HMCN2: variants seen among roughly 807,000 people sequenced by gnomAD.
HMCN2 encodes the protein hemicentin-2.
A neutral mutation model predicts 377.5 loss-of-function variants in HMCN2; 325 were observed. The ratio of observed to expected loss-of-function variants is 0.86; its 90% CI spans 0.79 to 0.94. The LOEUF (loss-of-function observed/expected upper bound fraction) is 0.94. Among genes scored for constraint, HMCN2 ranks in the 40% least tolerant of loss-of-function variants. The pLI is 0.00. For missense variants in HMCN2, 4,543 were observed against 4,725.3 expected (o/e 0.96, Z 1.13); for synonymous variants, 2,007 against 2,046.8 (o/e 0.98, Z 0.53).
chr9:130,379,204 C>T, intron 53 of HMCN2, 45 bp from the exon 54 acceptor site: 1 of 688,448 alleles, frequency 1.5e-6, no homozygotes, highest in Non-Finnish European at 1.8e-6. Context: ...GTGCATTCCC[C>T]ACCCCTCTGC....
intron 22 of HMCN2, among the ~76,000 whole-genome samples, chr9:130,332,352 C>T (rs978644502): frequency 3.3e-5 from 5 of 152,334 alleles, no homozygotes; most frequent in East Asian, 3.9e-4. Context: ...CCCTGGCCAG[C>T]TCAGTGGCCG....
chr9:130,368,113 T>C (rs1189743796), intron 43 of HMCN2, among the ~76,000 whole-genome samples, 163 bp from the exon 44 acceptor site: 1 of 151,514 alleles, frequency 6.6e-6, no homozygotes, highest in Non-Finnish European at 1.5e-5. Context: ...GGACCAGAAG[T>C]GGCACTCATG....
At chr9:130,362,411 A>C (rs1840435674) in intron 39 of HMCN2, among the ~76,000 whole-genome samples, 1 of 152,272 alleles carries the variant, frequency 6.6e-6, no homozygotes, top group Admixed American at 6.5e-5. Flanking sequence ...ACTGAGTAAA[A>C]AGAAACAGGT....
intron 81 of HMCN2, 113 bp from the exon 82 acceptor site, chr9:130,405,842 G>C (rs1564863346): frequency 1.3e-6 from 1 of 788,312 alleles, no homozygotes; most frequent in Non-Finnish European, 1.8e-6. Context: ...CCTTGGGCAA[G>C]TCACTTCCCC....
At chr9:130,287,388 C>T (rs1835472912) in intron 4 of HMCN2, among the ~76,000 whole-genome samples, 1 of 152,062 alleles carries the variant, frequency 6.6e-6, no homozygotes, top group Admixed American at 6.5e-5. Flanking sequence ...GGCTCCTTCT[C>T]ACCTTCCTAG....
intron 15 of HMCN2, among the ~76,000 whole-genome samples, chr9:130,313,771 CCTCT>C (rs1177978895): frequency 1.1e-4 from 15 of 139,150 alleles, no homozygotes; most frequent in Admixed American, 9.6e-4. Context: ...GAATGTGTGT[CCTCT>C]TTTTTTTTTT....
Position 130,410,553 on chromosome 9 carries a change from T to TCC in HMCN2, c.12880-17_12880-16dup, listed in dbSNP as rs1367428390. ...TCTTCTCTGAGCACCATGCCTCCTC[T>TCC]CCTGTGCCCACTTGCAGAGGGACGA... On this transcript the variant is annotated splice_polypyrimidine_tract_variant and intron_variant, in intron 84 of 97. Transcript: ENST00000683500. The TCC allele has an allele frequency of 3.9e-6, 6 of 1,549,570 alleles. No homozygotes were observed. The highest frequency in any genetic ancestry group is 5.2e-6 in the Non-Finnish European group (6 of 1,146,200).
chr9:130,310,583 GA>G (rs36213195), intron 15 of HMCN2, among the ~76,000 whole-genome samples: 1 of 148,202 alleles, frequency 6.7e-6, no homozygotes, highest in Non-Finnish European at 1.5e-5. Flanking sequence ...GTGTGTGTGG[GA>G]GGGGCTACCC....
Position 130,391,004 on chromosome 9 carries a change from C to T in HMCN2, c.9551C>T (p.Ser3184Phe), listed in dbSNP as rs1043886485. Residue 3184 changes from serine (S) to phenylalanine (F), a missense_variant, in exon 63 of 98, where the codon TCC becomes TTC. Ser to Phe is a radical substitution (Grantham distance 155). This residue lies in a region of HMCN2 where 736 missense variants were observed against 773.2 expected (regional missense o/e 0.95). Coordinates refer to ENST00000683500, the MANE Select transcript of HMCN2 (RefSeq NM_001291815.2). ...AGCAGCGCGGTGCACGGTGTGGTCT[C>T]CCGGGGGGGCCGCCTCCAGCTGAGC... ...VESSAVHGVV[S>F]RGGRLQLSRL... 1.0e-6 allele frequency: 1 copy of T among 987,314 alleles called. No homozygotes were observed. Among genetic ancestry groups the T allele is most frequent in the Non-Finnish European group, 1.2e-6 (1 of 830,202 alleles). 61.2% of individuals were successfully genotyped at this position (987,314 alleles called of 1,614,324 possible).
Position 130,384,818 on chromosome 9 carries a change from CA to C in HMCN2, c.9106+22del. 2 of 1,279,538 alleles carry C rather than the reference CA, an allele frequency of 1.6e-6. No individual in the cohort carries two copies. Among genetic ancestry groups the C allele is most frequent in the Non-Finnish European group, 2.1e-6 (2 of 967,862 alleles). The allele number at this position is 1,279,538 out of a possible 1,614,324, so 79.3% of individuals were successfully genotyped here. A position where few individuals can be genotyped will look rare whatever the true frequency, so the allele number is the denominator to read the frequency against. On this transcript the variant is annotated intron_variant, in intron 59 of 97. Coordinates refer to ENST00000683500, the MANE Select transcript of HMCN2 (RefSeq NM_001291815.2). ...TTCTGGGTATGTCCATGTCTGTCCCCAACTTGTACTGTCCCCACTCCTTCAG... is the reference window on the plus strand; with the variant it reads ...TTCTGGGTATGTCCATGTCTGTCCCCACTTGTACTGTCCCCACTCCTTCAG...
intron 30 of HMCN2, among the ~76,000 whole-genome samples, chr9:130,352,595 A>T (rs1839793842): frequency 6.6e-6 from 1 of 152,116 alleles, no homozygotes; most frequent in Non-Finnish European, 1.5e-5. Flanking sequence ...CATCTAGTCC[A>T]GCCTCTCATT....
At chr9:130,431,826 TC>T (rs1564891116) in intron 96 of HMCN2, among the ~76,000 whole-genome samples, 2 of 152,116 alleles carry the variant, frequency 1.3e-5, no homozygotes, top group Non-Finnish European at 2.9e-5. Flanking sequence ...CACAGTCCCC[TC>T]TCAGATAGCT....
chr9:130,292,472 C>G (rs149552423), intron 4 of HMCN2, among the ~76,000 whole-genome samples: 2 of 152,166 alleles, frequency 1.3e-5, no homozygotes, highest in Admixed American at 6.5e-5. Flanking sequence ...TCAAAAGTGA[C>G]GGATAATTTG....
At chr9:130,352,754 C>T (rs1000293208) in intron 30 of HMCN2, among the ~76,000 whole-genome samples, 173 bp from the exon 31 acceptor site, 2 of 152,088 alleles carry the variant, frequency 1.3e-5, no homozygotes, top group African/African-American at 4.8e-5. Flanking sequence ...CCATGCTGGC[C>T]TCTCCCATCT....
chr9:130,316,443 G>T (rs1387577518), intron 15 of HMCN2, among the ~76,000 whole-genome samples: 3 of 152,060 alleles, frequency 2.0e-5, no homozygotes, highest in African/African-American at 7.2e-5. Context: ...GGAAAAAAAG[G>T]ACGGGGCACC....
chr9:130,323,372 C>G (rs924867480), intron 19 of HMCN2, among the ~76,000 whole-genome samples: 2 of 152,188 alleles, frequency 1.3e-5, no homozygotes, highest in East Asian at 1.9e-4. Context: ...TTAGAGACCC[C>G]GTGTTCAAGC....
rs1253397262 is a variant in HMCN2 at position 130,304,472 on chromosome 9, G to A, written c.1544-258G>A. On this transcript the variant is annotated intron_variant, in intron 10 of 97. Coordinates refer to ENST00000683500, the MANE Select transcript of HMCN2 (RefSeq NM_001291815.2). This position sits in a 1 kb window ranked among gnomAD's most constrained non-coding sequence, Gnocchi z 4.3. ...CGGCTTGTTGCACATTGCACTGGCTGTATTTTGGAGAGCAGGCGTGTACCG... is the reference window on the plus strand; with the variant it reads ...CGGCTTGTTGCACATTGCACTGGCTATATTTTGGAGAGCAGGCGTGTACCG... Among the ~76,000 whole-genome samples the A allele has an allele frequency of 2.0e-5, 3 of 152,224 alleles. No homozygotes were observed.
At position 130,423,566 on chromosome 9, in the gene HMCN2, A is replaced by G. The variant is rs1844138363; in HGVS notation, c.13381+840A>G. Among the ~76,000 whole-genome samples the G allele has an allele frequency of 6.6e-6, 1 of 152,330 alleles. No individual in the cohort carries two copies. The highest frequency in any genetic ancestry group is 1.9e-4 in the East Asian group (1 of 5,174). On this transcript the variant is annotated intron_variant, in intron 87 of 97. Transcript: ENST00000683500. The surrounding 1 kb of genome is among the most constrained non-coding windows in gnomAD (Gnocchi z 5.5). ...AAGCCCGTGGACCAGGCTTTGTTCCATGAAACAGACGCACAGAGAGGCTGG... is the reference window on the plus strand; with the variant it reads ...AAGCCCGTGGACCAGGCTTTGTTCCGTGAAACAGACGCACAGAGAGGCTGG...
chr9:130,289,579 G>A (rs1369039216), intron 4 of HMCN2, among the ~76,000 whole-genome samples: 1 of 152,122 alleles, frequency 6.6e-6, no homozygotes, highest in African/African-American at 2.4e-5. Context: ...TGTGCAGTTG[G>A]GTTAACGAGA....
Sources: allele counts gnomAD v4.1 joint callset (sites outside exome capture counted in the v4.1 genomes callset), GRCh38; gene constraint gnomAD v4.1.1; regional missense constraint gnomAD v4.1.1; non-coding constraint Gnocchi (gnomAD v3.1); transcripts MANE v1.5; gene names NCBI Gene and HGNC (gene_info 2026-07-23, HGNC 2026-07-21).